Variants in VWA3B observed in about 807,000 individuals in gnomAD.
The protein encoded by VWA3B is von Willebrand factor A domain containing 3B, also known as von Willebrand factor A domain-containing protein 3B.
Under a neutral mutation model 158.3 loss-of-function variants are expected in VWA3B, and 138 were observed. The observed-to-expected ratio is 0.87, with a 90% CI of 0.76 to 1.00. VWA3B has a LOEUF of 1.00. Ranked by LOEUF, VWA3B falls within the 50% of genes least tolerant of loss-of-function variation. The pLI is 0.00. For synonymous variants in VWA3B, 596 were observed against 587.3 expected (o/e 1.01, Z -0.21); for missense variants, 1,555 against 1,565.1 (o/e 0.99, Z 0.11).
intron 19 of VWA3B, among the ~76,000 whole-genome samples, chr2:98,249,056 A>C (rs1686626224): frequency 6.6e-6 from 1 of 152,108 alleles, no homozygotes; most frequent in Admixed American, 6.5e-5. Context: ...TTACCTCTTA[A>C]AAATAATTTC....
intron 6 of VWA3B, 52 bp downstream of exon 6, chr2:98,128,460 C>T: frequency 6.3e-7 from 1 of 1,586,578 alleles, no homozygotes; most frequent in South Asian, 1.1e-5. Context: ...CCTGCTCACA[C>T]AGGATCAACA....
chr2:98,214,234 A>G (rs1683786969), intron 13 of VWA3B, among the ~76,000 whole-genome samples: 1 of 152,128 alleles, frequency 6.6e-6, no homozygotes, highest in African/African-American at 2.4e-5. Context: ...AAAAAACAAA[A>G]AAAAGAGGAA....
intron 2 of VWA3B, among the ~76,000 whole-genome samples, chr2:98,103,131 T>C (rs1367943465): frequency 6.6e-6 from 1 of 152,206 alleles, no homozygotes; most frequent in Non-Finnish European, 1.5e-5. Flanking sequence ...GTAGGATCTG[T>C]AGTGATGTTA....
chr2:98,207,469 G>A (rs1683120374), intron 12 of VWA3B: 3 of 501,040 alleles, frequency 6.0e-6, no homozygotes, highest in Admixed American at 2.1e-5. Context: ...ATCCATATTG[G>A]GTATGGATTA....
At chr2:98,315,704 G>T (rs984134281), downstream of VWA3B, among the ~76,000 whole-genome samples, 2 of 152,156 alleles carry the variant, frequency 1.3e-5, no homozygotes, top group Non-Finnish European at 2.9e-5. Context: ...AAAGGTGGAT[G>T]GGTTGTAGCC....
rs182957045 is a variant in VWA3B at position 98,176,284 on chromosome 2, C to G, written c.1115-4732C>G. On this transcript the variant is annotated intron_variant, in intron 8 of 27. Coordinates refer to ENST00000477737, the MANE Select transcript of VWA3B (RefSeq NM_144992.5). ...TCCTTCCTTTCTTCTGTCCTCCCTT[C>G]CCTCCCTCCCTCCCTTCTATCTTTC... is the stretch of plus-strand genomic sequence containing the variant. Among the ~76,000 whole-genome samples, 9 of 136,866 alleles carry G rather than the reference C, an allele frequency of 6.6e-5. No individual in the cohort carries two copies. The East Asian group carries it at 1.5e-3, about 23-fold the overall frequency. 89.8% of individuals were successfully genotyped at this position (136,866 alleles called of 152,430 possible).
At chr2:98,205,703 C>T (rs993865266) in intron 12 of VWA3B, among the ~76,000 whole-genome samples, 1 of 152,164 alleles carries the variant, frequency 6.6e-6, no homozygotes, top group Non-Finnish European at 1.5e-5. Context: ...GTACATCCCA[C>T]AAATTTTAAA....
At chr2:98,140,332 C>G (rs897725275) in intron 7 of VWA3B, among the ~76,000 whole-genome samples, 1 of 152,244 alleles carries the variant, frequency 6.6e-6, no homozygotes, top group African/African-American at 2.4e-5. Flanking sequence ...GAGTTCCCCT[C>G]CCTGGGCAGA....
intron 5 of VWA3B, among the ~76,000 whole-genome samples, chr2:98,124,844 A>C (rs1253656179): frequency 1.3e-5 from 2 of 152,200 alleles, no homozygotes; most frequent in African/African-American, 4.8e-5. Context: ...GAAGATGTCA[A>C]GGACTCTTTG....
intron 19 of VWA3B, among the ~76,000 whole-genome samples, chr2:98,239,390 A>G (rs1346853829): frequency 6.6e-6 from 1 of 151,926 alleles, no homozygotes; most frequent in Non-Finnish European, 1.5e-5. Context: ...TAAATGAAAA[A>G]AATCAGAATA....
At chr2:98,289,410 GT>G (rs1689359528) in intron 22 of VWA3B, among the ~76,000 whole-genome samples, 2 of 152,100 alleles carry the variant, frequency 1.3e-5, no homozygotes, top group South Asian at 4.1e-4. Flanking sequence ...AAATTCCTTT[GT>G]TTTTCCATTT....
At chr2:98,245,468 A>G (rs1451511508) in intron 19 of VWA3B, 1 of 444,384 alleles carries the variant, frequency 2.3e-6, no homozygotes, top group Non-Finnish European at 4.5e-6. Context: ...AGTGTGGGGT[A>G]TGACTTTATC....
At chr2:98,103,626 G>A (rs757503558) in intron 2 of VWA3B, among the ~76,000 whole-genome samples, 14 of 152,078 alleles carry the variant, frequency 9.2e-5, no homozygotes, top group Non-Finnish European at 1.9e-4. Context: ...TTACATTGAG[G>A]TCAGAGAATA....
chr2:98,279,595 G>A (rs763177627), intron 22 of VWA3B, among the ~76,000 whole-genome samples: 3 of 152,232 alleles, frequency 2.0e-5, no homozygotes, highest in Non-Finnish European at 2.9e-5. Flanking sequence ...CTTTGCAGAA[G>A]TGAAGGTCAG....
chr2:98,100,858 C>T (rs1359779059), intron 2 of VWA3B, among the ~76,000 whole-genome samples: 1 of 152,100 alleles, frequency 6.6e-6, no homozygotes, highest in African/African-American at 2.4e-5. Context: ...TATGCTGTAA[C>T]CAGGTACCGT....
chr2:98,206,675 A>G, intron 12 of VWA3B: 1 of 342,454 alleles, frequency 2.9e-6, no homozygotes, highest in East Asian at 6.8e-5. Flanking sequence ...CATGGAAATT[A>G]GCGTTGAGCA....
chr2:98,096,504 G>A (rs1408276979), intron 2 of VWA3B, among the ~76,000 whole-genome samples: 1 of 152,006 alleles, frequency 6.6e-6, no homozygotes, highest in Non-Finnish European at 1.5e-5. Context: ...CCTGACCTCA[G>A]CTGATCCACC....
At chr2:98,211,662 A>C (rs1205453202) in intron 12 of VWA3B, among the ~76,000 whole-genome samples, 4 of 152,094 alleles carry the variant, frequency 2.6e-5, no homozygotes, top group African/African-American at 9.6e-5. Context: ...AAACACAAAA[A>C]AATAAAATTG....
In VWA3B at chr2:98,101,827, C is replaced by CTT. The variant is rs759407304; in HGVS notation, c.196+8550_196+8551dup. 4.3e-3 allele frequency among the ~76,000 whole-genome samples: 565 copies of CTT among 130,706 alleles called. 3 individuals are homozygous for CTT. The highest frequency in any genetic ancestry group is 0.015 in the African/African-American group (531 of 36,108). The allele number at this position is 130,706 out of a possible 152,430, so 85.7% of individuals were successfully genotyped here. On this transcript the variant is annotated intron_variant, in intron 2 of 27. Transcript: ENST00000477737. The stretch of plus-strand genomic sequence containing the variant: ...CTAGAAGCAGTTTTATCCCATCTTT[C>CTT]TTTTTTTTTTTTGCATGTTTATATT...
Sources: allele counts gnomAD v4.1 joint callset (sites outside exome capture counted in the v4.1 genomes callset), GRCh38; gene constraint gnomAD v4.1.1; transcripts MANE v1.5; gene names NCBI Gene and HGNC (gene_info 2026-07-23, HGNC 2026-07-21).